AOPEP: variants seen among roughly 807,000 people sequenced by gnomAD.
AOPEP encodes the protein aminopeptidase O (putative), also known as aminopeptidase O.
In AOPEP, 77 loss-of-function variants were observed where a neutral mutation model predicts 98.1. That is an observed-to-expected ratio of 0.78 (90% CI 0.65 to 0.95). AOPEP has a LOEUF of 0.95. AOPEP is among the 40% of genes least tolerant of loss of function. The pLI is 0.00. For synonymous variants in AOPEP, 346 were observed against 365.3 expected, an observed-to-expected ratio of 0.95 and a Z score of 0.60; for missense variants, 1,024 against 1,024.7, an observed-to-expected ratio of 1.00 and a Z score of 0.01.
chr9:95,085,827 T>C, intron 16 of AOPEP: 1 of 1,042,704 alleles, frequency 9.6e-7, no homozygotes. Flanking sequence ...ACCTAAGTCG[T>C]GTGAAATCAT....
intron 2 of AOPEP, among the ~76,000 whole-genome samples, chr9:94,764,181 G>A (rs887133838): frequency 6.6e-6 from 1 of 152,100 alleles, no homozygotes; most frequent in South Asian, 2.1e-4. Context: ...GGTCTTCCTC[G>A]CAAAAGCTCT....
intron 5 of AOPEP, among the ~76,000 whole-genome samples, chr9:94,817,913 T>C (rs1378426574): frequency 1.3e-5 from 2 of 152,180 alleles, no homozygotes; most frequent in Non-Finnish European, 2.9e-5. Context: ...AGGGTCAGTG[T>C]TTTGGCACAG....
chr9:95,038,630 C>T lies in AOPEP; in HGVS notation c.2116-22064C>T, dbSNP rs535726741. Among the ~76,000 whole-genome samples the T allele has an allele frequency of 2.0e-5, 3 of 152,352 alleles. No homozygotes were observed. In the South Asian group the frequency reaches 6.2e-4, roughly 32 times the overall value. ...ACGCAAGCACATCAGGTGTGCTCTG[C>T]CTCCAAGGTGCCCTGCAAGAGAAGG... On this transcript the variant is annotated intron_variant, in intron 13 of 16. Coordinates refer to ENST00000375315, the MANE Select transcript of AOPEP (RefSeq NM_001193329.3).
intron 7 of AOPEP, among the ~76,000 whole-genome samples, chr9:94,941,444 A>C (rs1000958204): frequency 6.6e-6 from 1 of 152,148 alleles, no homozygotes; most frequent in Non-Finnish European, 1.5e-5. Flanking sequence ...ACCTGTGAAG[A>C]GTGTTTCTAC....
chr9:94,884,502 A>T (rs1333251301), intron 5 of AOPEP, among the ~76,000 whole-genome samples: 1 of 152,204 alleles, frequency 6.6e-6, no homozygotes, highest in African/African-American at 2.4e-5. Context: ...GACTTGGGAT[A>T]TAAAGAGGCT....
the AOPEP span, chr9:95,099,719 G>C: frequency 4.3e-6 from 1 of 232,568 alleles, no homozygotes; most frequent in Non-Finnish European, 8.5e-6. Flanking sequence ...TGGCTGCCCA[G>C]AAAGCACCAC....
intron 5 of AOPEP, among the ~76,000 whole-genome samples, chr9:94,838,458 C>A (rs766284643): frequency 1.3e-4 from 20 of 152,204 alleles, no homozygotes; most frequent in Admixed American, 3.3e-4. Context: ...CTGTCTCTCT[C>A]TTCTATAATA....
At chr9:94,876,368 C>CTT (rs566693216) in intron 5 of AOPEP, among the ~76,000 whole-genome samples, 11 of 140,644 alleles carry the variant, frequency 7.8e-5, no homozygotes, top group Non-Finnish European at 1.1e-4. Context: ...CTTTTCTTTT[C>CTT]TTTTTTTTTT....
the AOPEP span, chr9:95,110,661 C>G: frequency 2.9e-6 from 3 of 1,048,868 alleles, no homozygotes; most frequent in Non-Finnish European, 3.5e-6. Context: ...TGTTTTCAAA[C>G]AACAGAAAAT....
At chr9:95,056,218 C>T (rs1267352881) in intron 13 of AOPEP, 7 of 152,340 alleles carry the variant, frequency 4.6e-5, no homozygotes, top group Middle Eastern at 3.4e-3. Context: ...ACTGTCAATC[C>T]GTGGCTGCAT....
intron 3 of AOPEP, among the ~76,000 whole-genome samples, chr9:94,790,962 G>C (rs1483413261): frequency 6.6e-6 from 1 of 152,010 alleles, no homozygotes; most frequent in Non-Finnish European, 1.5e-5. Flanking sequence ...TCCTGTAAAG[G>C]AGTTTGTGAA....
chr9:94,872,342 G>A (rs932835928), intron 5 of AOPEP, among the ~76,000 whole-genome samples: 2 of 152,068 alleles, frequency 1.3e-5, no homozygotes, highest in African/African-American at 4.8e-5. Context: ...TTACAGAGGC[G>A]GAAACAGGCC....
Position 95,005,139 on chromosome 9 carries a change from G to T in AOPEP, c.1978-19G>T. ...GGCCGCTCCCGCGGTAAACTTGACT[G>T]TGTCCTCTTCCCCCGCAGCCGCTGC... On this transcript the variant is annotated intron_variant, in intron 11 of 16. Coordinates refer to ENST00000375315, the MANE Select transcript of AOPEP (RefSeq NM_001193329.3). 1.8e-6 allele frequency: 2 copies of T among 1,133,660 alleles called. No homozygotes were observed. The highest frequency in any genetic ancestry group is 2.2e-6 in the Non-Finnish European group (2 of 922,798). The allele number at this position is 1,133,660 out of a possible 1,614,324, so 70.2% of individuals were successfully genotyped here.
intron 15 of AOPEP, among the ~76,000 whole-genome samples, chr9:95,082,318 A>T (rs777303616): frequency 2.6e-5 from 4 of 152,154 alleles, no homozygotes; most frequent in Non-Finnish European, 5.9e-5. Flanking sequence ...TCGTTCTGTC[A>T]CCAGTGAAAT....
intron 14 of AOPEP, among the ~76,000 whole-genome samples, chr9:95,063,324 C>T (rs2067499902): frequency 6.6e-6 from 1 of 152,200 alleles, no homozygotes; most frequent in African/African-American, 2.4e-5. Flanking sequence ...AATAGCTACC[C>T]ATGGCAGTGA....
At chr9:95,062,850 C>T (rs182777278) in intron 14 of AOPEP, among the ~76,000 whole-genome samples, 145 of 152,282 alleles carry the variant, frequency 9.5e-4, no homozygotes, top group African/African-American at 3.3e-3. Flanking sequence ...ATGTGAAGAC[C>T]CAGGTGTATG....
chr9:94,864,431 CTA>C (rs1012886110), intron 5 of AOPEP, among the ~76,000 whole-genome samples: 8 of 152,136 alleles, frequency 5.3e-5, no homozygotes, highest in Non-Finnish European at 7.4e-5. Flanking sequence ...CAGTAAATCT[CTA>C]TGAGTTTTTT....
At position 94,760,304 on chromosome 9, in the gene AOPEP, C is replaced by T. The variant is rs1489487010; in HGVS notation, c.521C>T (p.Pro174Leu). 6.2e-7 allele frequency: 1 copy of T among 1,614,028 alleles called. No homozygotes were observed. The highest frequency in any genetic ancestry group is 8.5e-7 in the Non-Finnish European group (1 of 1,180,038). The change falls in exon 2 of 17, where the codon CCT (proline) becomes CTT (leucine). Residue 174 changes from proline (P) to leucine (L), a missense_variant. By Grantham distance (98) the Pro-to-Leu change is moderately conservative. Around this residue, in one of 3 missense-constraint regions of AOPEP, gnomAD observed 440 missense variants for 433.8 expected, o/e 1.01. Coordinates refer to ENST00000375315, the MANE Select transcript of AOPEP (RefSeq NM_001193329.3). ...GGTCTGGAAAAATTTACAAGGTCTC[C>T]TGAGCTCACGGTTGTTTCTGAGGAG... ...VPGLEKFTRS[P>L]ELTVVSEEFR...
intron 5 of AOPEP, among the ~76,000 whole-genome samples, chr9:94,922,924 G>A (rs549538631): frequency 9.8e-5 from 15 of 152,370 alleles, no homozygotes; most frequent in Non-Finnish European, 2.1e-4. Flanking sequence ...AATGGTGGCT[G>A]TGGGAGTGGA....
Sources: allele counts gnomAD v4.1 joint callset (sites outside exome capture counted in the v4.1 genomes callset), GRCh38; gene constraint gnomAD v4.1.1; regional missense constraint gnomAD v4.1.1; transcripts MANE v1.5; gene names NCBI Gene and HGNC (gene_info 2026-07-23, HGNC 2026-07-21).